The following EML6 variants were observed in gnomAD, a reference collection of about 807,000 sequenced individuals.
The protein encoded by EML6 is echinoderm microtubule-associated protein-like 6.
A neutral mutation model predicts 240.1 loss-of-function variants in EML6; 154 were observed. That is an observed-to-expected ratio of 0.64 (90% CI 0.56 to 0.73). EML6 has a LOEUF of 0.73. Ranked by LOEUF, EML6 falls within the 30% of genes least tolerant of loss-of-function variation. The pLI is 0.00. For synonymous variants in EML6, 1,148 were observed against 899.0 expected, an observed-to-expected ratio of 1.28 and a Z score of -4.95; for missense variants, 2,964 against 2,474.6, an observed-to-expected ratio of 1.20 and a Z score of -4.20.
chr2:54,937,781 A>C lies in EML6; in HGVS notation c.4004+9030A>C, dbSNP rs578046668. On this transcript the variant is annotated intron_variant, in intron 28 of 41. Transcript: ENST00000356458. ...ACAGCCATCTTCTAAAAAAAGTTTC[A>C]AGCAACAGTGTTTTTATATACTCTA... 1.2e-4 allele frequency among the ~76,000 whole-genome samples: 18 copies of C among 152,240 alleles called. 1 individual carries two copies. Among genetic ancestry groups the C allele is most frequent in the Admixed American group, 6.5e-4 (10 of 15,306 alleles).
chr2:54,860,015 C>T (rs1367709406), intron 12 of EML6, among the ~76,000 whole-genome samples: 1 of 152,186 alleles, frequency 6.6e-6, no homozygotes, highest in Admixed American at 6.5e-5. Context: ...TTCGCAGGTC[C>T]ATTCTCTCTG....
intron 7 of EML6, among the ~76,000 whole-genome samples, chr2:54,837,308 C>T (rs534907724): frequency 6.6e-6 from 1 of 152,244 alleles, no homozygotes; most frequent in South Asian, 2.1e-4. Context: ...TTTTTTCCCC[C>T]TATTGCTAGC....
chr2:54,937,723 T>A (rs1185756560), intron 28 of EML6, among the ~76,000 whole-genome samples: 5 of 152,198 alleles, frequency 3.3e-5, no homozygotes, highest in Non-Finnish European at 7.3e-5. Context: ...TATCCAGTTA[T>A]TCAGCTGTTT....
At chr2:54,786,502 C>T (rs1270719988) in intron 2 of EML6, among the ~76,000 whole-genome samples, 7 of 152,132 alleles carry the variant, frequency 4.6e-5, no homozygotes, top group African/African-American at 1.4e-4. Context: ...GTGCTGCTAC[C>T]GCACCCGCTA....
chr2:54,832,966 G>T (rs1159841365), intron 7 of EML6, among the ~76,000 whole-genome samples: 1 of 152,122 alleles, frequency 6.6e-6, no homozygotes, highest in Non-Finnish European at 1.5e-5. Context: ...GCTTTCTTCT[G>T]TATTTTTGCT....
rs1042138047 is a variant in EML6 at position 54,964,163 on chromosome 2, C to T, written c.5330+5C>T. ...ATCTGCTATCCAAGATATCAGGTAC[C>T]TAAGTGGGTGGTCTGGGCATGGAGG... On this transcript the variant is annotated splice_donor_5th_base_variant and intron_variant, in intron 37 of 41. Transcript: ENST00000356458. 1.5e-5 allele frequency: 24 copies of T among 1,550,982 alleles called. No homozygotes were observed. In the African/African-American group the frequency reaches 1.6e-4, roughly 11 times the overall value.
intron 34 of EML6, among the ~76,000 whole-genome samples, chr2:54,959,514 C>T (rs1159571277): frequency 1.3e-5 from 2 of 152,126 alleles, no homozygotes; most frequent in Non-Finnish European, 2.9e-5. Flanking sequence ...GTAATCTCAG[C>T]ACTTTGGGAG....
intron 6 of EML6, 87 bp from the exon 7 acceptor site, chr2:54,829,255 C>G: frequency 7.6e-7 from 1 of 1,309,714 alleles, no homozygotes; most frequent in Non-Finnish European, 1.0e-6. Context: ...TTTTGACTTG[C>G]TATGTTTTTA....
chr2:54,734,444 C>G (rs566088169), intron 2 of EML6, among the ~76,000 whole-genome samples: 1 of 152,338 alleles, frequency 6.6e-6, no homozygotes, highest in South Asian at 2.1e-4. Flanking sequence ...GTGGCCATAG[C>G]CTTGGAAGGC....
intron 2 of EML6, among the ~76,000 whole-genome samples, chr2:54,812,736 C>T (rs979942375): frequency 6.6e-6 from 1 of 151,984 alleles, no homozygotes; most frequent in Non-Finnish European, 1.5e-5. Context: ...GCAACAGACA[C>T]AGAAACAGCA....
intron 24 of EML6, 122 bp from the exon 25 acceptor site, chr2:54,910,828 AATGT>A (rs1393345045): frequency 1.8e-6 from 1 of 561,890 alleles, no homozygotes; most frequent in Non-Finnish European, 3.3e-6. Context: ...AATAATTCAA[AATGT>A]ATTTACTCAA....
intron 2 of EML6, among the ~76,000 whole-genome samples, chr2:54,784,928 G>A (rs1310685944): frequency 6.6e-6 from 1 of 152,166 alleles, no homozygotes; most frequent in African/African-American, 2.4e-5. Context: ...AGGATGAATT[G>A]TCTGTCTGAC....
rs758279098 is a variant in EML6, at chr2:54,970,119, T to TTGC, written c.*35_*37dup. On this transcript the variant is annotated 3_prime_UTR_variant, in exon 42 of 42. Coordinates refer to ENST00000356458, the MANE Select transcript of EML6 (RefSeq NM_001039753.4). ...AAAATGCCAGAAGCCTCTTATGTTA[T>TTGC]TGCTGCTGCTGCTACCAGCCAGCAA... 4.4e-5 allele frequency: 68 copies of TTGC among 1,551,514 alleles called. No homozygotes were observed. In the East Asian group the frequency reaches 1.0e-3, roughly 23 times the overall value.
intron 3 of EML6, among the ~76,000 whole-genome samples, chr2:54,814,768 G>C (rs1357617460): frequency 6.6e-6 from 1 of 152,132 alleles, no homozygotes; most frequent in African/African-American, 2.4e-5. Flanking sequence ...TTTTAAGAGA[G>C]CATCGATCAC....
intron 7 of EML6, among the ~76,000 whole-genome samples, chr2:54,836,183 G>A (rs969408757): frequency 6.6e-6 from 1 of 152,240 alleles, no homozygotes; most frequent in Non-Finnish European, 1.5e-5. Context: ...CGCAAGTTCC[G>A]TGTGTGACAT....
intron 17 of EML6, among the ~76,000 whole-genome samples, chr2:54,888,756 C>G (rs1275429234): frequency 6.6e-6 from 1 of 151,802 alleles, no homozygotes; most frequent in African/African-American, 2.4e-5. Context: ...GTTTGTTTAC[C>G]CATTCACCTG....
chr2:54,905,362 AC>A (rs1673271719), intron 24 of EML6, among the ~76,000 whole-genome samples: 4 of 150,818 alleles, frequency 2.7e-5, no homozygotes, highest in Middle Eastern at 3.4e-3. Flanking sequence ...ACACACACAC[AC>A]ACACACACAC....
rs1243468151 is a variant in EML6 at position 54,952,683 on chromosome 2, A to T, written c.4303A>T (p.Ser1435Cys). The T allele has an allele frequency of 1.3e-5, 20 of 1,550,586 alleles. No individual in the cohort carries two copies. Among genetic ancestry groups the T allele is most frequent in the Non-Finnish European group, 1.7e-5 (19 of 1,146,190 alleles). The change falls in exon 31 of 42, where the codon AGC (serine) becomes TGC (cysteine). Residue 1435 changes from serine (S) to cysteine (C), a missense_variant. Ser to Cys is a moderately radical substitution (Grantham distance 112, BLOSUM62 -1). Transcript: ENST00000356458. ...CAAGTACAGAAACGTGGTGGCCACCAGCCAGATAGGTAGGAGGTCCTGTGG... is the reference window on the plus strand; with the variant it reads ...CAAGTACAGAAACGTGGTGGCCACCTGCCAGATAGGTAGGAGGTCCTGTGG... ...HPKYRNVVATSQIGTTPSIHI... is the reference protein window; with the variant it reads ...HPKYRNVVATCQIGTTPSIHI...
chr2:54,930,563 T>C (rs1674801560), intron 28 of EML6, among the ~76,000 whole-genome samples: 1 of 151,746 alleles, frequency 6.6e-6, no homozygotes, highest in African/African-American at 2.4e-5. Flanking sequence ...TATTATGAAA[T>C]AGGGGTAGGC....
Sources: allele counts gnomAD v4.1 joint callset (sites outside exome capture counted in the v4.1 genomes callset), GRCh38; gene constraint gnomAD v4.1.1; transcripts MANE v1.5; gene names NCBI Gene and HGNC (gene_info 2026-07-23, HGNC 2026-07-21).